Variants in DACH1 observed in about 807,000 individuals in gnomAD.
The protein encoded by DACH1 is dachshund homolog 1.
Under a neutral mutation model 54.2 loss-of-function variants are expected in DACH1, and 12 were observed. The observed-to-expected ratio is 0.22, with a 90% confidence interval of 0.14 to 0.36. DACH1 has a LOEUF of 0.36. Ranked by LOEUF, DACH1 falls within the 10% of genes least tolerant of loss-of-function variation. DACH1 has a pLI of 1.00. For synonymous variants in DACH1, 386 were observed against 366.2 expected (o/e 1.05, Z -0.62); for missense variants, 805 against 929.8 (o/e 0.87, Z 1.75).
intron 2 of DACH1, among the ~76,000 whole-genome samples, chr13:71,666,021 A>G (rs1879811166): frequency 6.6e-6 from 1 of 152,130 alleles, no homozygotes; most frequent in African/African-American, 2.4e-5. Flanking sequence ...TTAGTTATGA[A>G]TTGTTTGCAG....
chr13:71,653,595 G>A (rs1016343908), intron 2 of DACH1, among the ~76,000 whole-genome samples: 5 of 152,120 alleles, frequency 3.3e-5, no homozygotes, highest in African/African-American at 1.2e-4. Flanking sequence ...TTTCCTTACA[G>A]TGCTTTTCCT....
At chr13:71,494,277 TG>T (rs1439536639) in intron 6 of DACH1, among the ~76,000 whole-genome samples, 1 of 152,110 alleles carries the variant, frequency 6.6e-6, no homozygotes, top group Non-Finnish European at 1.5e-5. Flanking sequence ...TTTTTTTTCC[TG>T]GGTTAGCAAT....
At chr13:71,601,054 T>C (rs1308033994) in intron 3 of DACH1, among the ~76,000 whole-genome samples, 2 of 152,102 alleles carry the variant, frequency 1.3e-5, no homozygotes, top group Non-Finnish European at 2.9e-5. Flanking sequence ...TATTCATATC[T>C]GTGCCAAAGT....
intron 1 of DACH1, among the ~76,000 whole-genome samples, chr13:71,738,075 G>A (rs112951863): frequency 2.6e-4 from 40 of 152,278 alleles, no homozygotes; most frequent in African/African-American, 9.4e-4. Flanking sequence ...TCATCTGCAC[G>A]GAAGTAATCA....
chr13:71,654,555 T>C (rs1878959567), intron 2 of DACH1, among the ~76,000 whole-genome samples: 1 of 151,062 alleles, frequency 6.6e-6, no homozygotes, highest in African/African-American at 2.4e-5. Flanking sequence ...TCAAACCAGA[T>C]GTGTCTAACT....
At chr13:71,851,529 A>T (rs1308248184) in intron 1 of DACH1, among the ~76,000 whole-genome samples, 1 of 152,110 alleles carries the variant, frequency 6.6e-6, no homozygotes, top group Non-Finnish European at 1.5e-5. Context: ...TGTAAATAGA[A>T]TAAGACACTC....
chr13:71,691,862 T>C (rs1377698014), intron 1 of DACH1, among the ~76,000 whole-genome samples: 1 of 152,190 alleles, frequency 6.6e-6, no homozygotes, highest in Non-Finnish European at 1.5e-5. Context: ...TGTTAAATAC[T>C]GTAGTAAATG....
rs1374115965 is a variant in DACH1, at chr13:71,695,151, T to A, written c.849-13241A>T. Among the ~76,000 whole-genome samples, 8 of 152,230 alleles carry A rather than the reference T, an allele frequency of 5.3e-5. No individual in the cohort carries two copies. The East Asian group carries it at 1.5e-3, about 29-fold the overall frequency. ...AGACAGAATTCCATATTTCAGTCAA[T>A]TTTTAATTTCATTGCTTGTTAGAGG... On this transcript the variant is annotated intron_variant, in intron 1 of 10. Coordinates refer to ENST00000613252, the MANE Select transcript of DACH1 (RefSeq NM_080759.6).
At chr13:71,817,862 T>A (rs1888025770) in intron 1 of DACH1, among the ~76,000 whole-genome samples, 2 of 142,916 alleles carry the variant, frequency 1.4e-5, no homozygotes, top group Non-Finnish European at 3.0e-5. Context: ...TCACCCAGGC[T>A]GGAGTGCACT....
chr13:71,681,210 C>A (rs894874634), intron 2 of DACH1, among the ~76,000 whole-genome samples: 8 of 152,068 alleles, frequency 5.3e-5, no homozygotes, highest in Admixed American at 3.9e-4. Context: ...TGCTCCAGTG[C>A]ATTATGAAAT....
chr13:71,545,433 A>G (rs1037999329), intron 6 of DACH1, among the ~76,000 whole-genome samples: 1 of 152,058 alleles, frequency 6.6e-6, no homozygotes, highest in African/African-American at 2.4e-5. Context: ...AAAGCATTAT[A>G]TACTTATTTT....
At chr13:71,470,693 A>G (rs1876996093) in intron 10 of DACH1, among the ~76,000 whole-genome samples, 1 of 152,122 alleles carries the variant, frequency 6.6e-6, no homozygotes, top group African/African-American at 2.4e-5. Flanking sequence ...AGTCTGAGAA[A>G]TGTCAGAACA....
At chr13:71,569,385 T>C (rs963353505) in intron 4 of DACH1, among the ~76,000 whole-genome samples, 9 of 152,284 alleles carry the variant, frequency 5.9e-5, no homozygotes, top group Admixed American at 2.0e-4. Context: ...AATTTAGATA[T>C]GGCTCTGTCC....
chr13:71,619,610 A>C (rs1876055988), intron 3 of DACH1, among the ~76,000 whole-genome samples: 2 of 152,100 alleles, frequency 1.3e-5, no homozygotes, highest in Admixed American at 1.3e-4. Flanking sequence ...AGATATATCT[A>C]TATTTTCCCA....
intron 3 of DACH1, among the ~76,000 whole-genome samples, chr13:71,623,559 G>C (rs1486843288): frequency 6.6e-6 from 1 of 151,608 alleles, no homozygotes; most frequent in African/African-American, 2.4e-5. Flanking sequence ...AGATGTTATA[G>C]TATACTTAAG....
intron 6 of DACH1, among the ~76,000 whole-genome samples, chr13:71,519,882 A>ATTATATATATATATATATATATATAT (rs1555290464): frequency 1.7e-4 from 6 of 35,550 alleles, no homozygotes; most frequent in East Asian, 2.0e-3. Flanking sequence ...AAACCAAAGT[A>ATTATATATATATATATATATATATAT]GTATATATAT....
chr13:71,475,625 C>A, intron 9 of DACH1, 81 bp downstream of exon 9: 1 of 1,464,024 alleles, frequency 6.8e-7, no homozygotes. Flanking sequence ...TAGAAACATA[C>A]AAAACTACAA....
At chr13:71,447,300 A>G (rs1874553051) in intron 10 of DACH1, among the ~76,000 whole-genome samples, 1 of 151,938 alleles carries the variant, frequency 6.6e-6, no homozygotes, top group African/African-American at 2.4e-5. Flanking sequence ...GATTTTAGAT[A>G]TTTTATTCAC....
At chr13:71,826,806 AC>A (rs1888402286) in intron 1 of DACH1, among the ~76,000 whole-genome samples, 1 of 152,090 alleles carries the variant, frequency 6.6e-6, no homozygotes, top group Non-Finnish European at 1.5e-5. Flanking sequence ...CTCTTCAGCA[AC>A]CAGAAGAGTG....
Sources: gnomAD v4.1 joint callset for allele counts (sites outside exome capture counted in the v4.1 genomes callset) on GRCh38, gnomAD v4.1.1 for gene constraint, MANE v1.5 for transcripts, NCBI Gene and HGNC (gene_info 2026-07-23, HGNC 2026-07-21) for gene names.